Variants in SLC35E4 observed in about 807,000 individuals in gnomAD.
The protein encoded by SLC35E4 is solute carrier family 35 member E4.
A neutral mutation model predicts 19.3 loss-of-function variants in SLC35E4; 15 were observed. The observed-to-expected ratio is 0.78, with a 90% CI of 0.52 to 1.20. SLC35E4 has a LOEUF of 1.20. Among genes scored for constraint, SLC35E4 ranks in the 50% most tolerant of loss-of-function variants. The pLI is 0.00. For missense variants in SLC35E4, 406 were observed against 472.3 expected (o/e 0.86, Z 1.30); for synonymous variants, 219 against 219.9 (o/e 1.00, Z 0.04).
At chr22:30,664,050 C>A (rs1193600319), downstream of SLC35E4, 4 of 1,526,218 alleles carry the variant, frequency 2.6e-6, no homozygotes, top group Admixed American at 1.9e-5. Context: ...ACGAAGGCTG[C>A]GTCTTTCTGC....
At chr22:30,662,452 C>T (rs190940171) in exon 3 of SLC35E4, 9 of 152,324 alleles carry the variant, frequency 5.9e-5, no homozygotes, top group Non-Finnish European at 1.3e-4. Context: ...AGGGGACTAA[C>T]ACCATCTTTT....
chr22:30,636,994 T>G lies in SLC35E4; in HGVS notation c.544T>G (p.Phe182Val), dbSNP rs1602068970. The change falls in exon 1 of 2, where the codon TTC (phenylalanine) becomes GTC (valine). Residue 182 changes from phenylalanine (F) to valine (V), a missense_variant. Coordinates refer to ENST00000343605, the MANE Select transcript of SLC35E4 (RefSeq NM_001001479.4). ...LGAACSLAGE[F>V]RTPPTGCGFL... ...GGCCGCCTGCAGCCTGGCTGGAGAG[T>G]TCCGGACACCCCCTACCGGCTGTGG... 2 of 1,610,372 alleles carry G rather than the reference T, an allele frequency of 1.2e-6. No individual in the cohort carries two copies. The highest frequency in any genetic ancestry group is 1.3e-5 in the African/African-American group (1 of 74,974).
downstream of SLC35E4, among the ~76,000 whole-genome samples, chr22:30,664,397 C>G (rs1475484006): frequency 2.4e-4 from 36 of 152,240 alleles, no homozygotes; most frequent in Admixed American, 2.3e-3. Flanking sequence ...GGTCCCACAG[C>G]TCTAGTTGGG....
At position 30,655,349 on chromosome 22, in the gene SLC35E4, T is replaced by C. The variant is rs1041575598; in HGVS notation, c.*8+6096T>C. 1.7e-4 allele frequency among the ~76,000 whole-genome samples: 25 copies of C among 146,114 alleles called. 4 individuals carry two copies. The highest frequency in any genetic ancestry group is 1.5e-3 in the Admixed American group (22 of 14,448). On this transcript the variant is annotated intron_variant, in intron 2 of 2. Coordinates refer to the SLC35E4 transcript ENST00000406566. ...GTGCACGCCTGTAGTCCCAGCTACT[T>C]GGGAGGCTGAGATGGGAGGCTGCAG...
chr22:30,658,879 T>C (rs1417009134), intron 2 of SLC35E4, among the ~76,000 whole-genome samples: 1 of 151,990 alleles, frequency 6.6e-6, no homozygotes, highest in Non-Finnish European at 1.5e-5. Context: ...GCGCGGTGGC[T>C]CACGCCTGTA....
intron 2 of SLC35E4, among the ~76,000 whole-genome samples, chr22:30,658,964 G>A (rs146191869): frequency 0.014 from 2,156 of 151,986 alleles, 39 homozygotes; most frequent in African/African-American, 0.048. Flanking sequence ...CTAACATGGC[G>A]AAACCGCATC....
rs201986232 is a variant in SLC35E4 at position 30,646,846 on chromosome 22, C to A, written c.868C>A (p.Leu290Ile). Reference protein sequence around the residue: ...SALTVHVLGNLTVVGNLILSR... With the variant: ...SALTVHVLGNITVVGNLILSR... ...CCTCACCGTCCACGTCCTGGGCAACCTCACCGTGGTGGGCAACCTCATCCT... is the reference window on the plus strand; with the variant it reads ...CCTCACCGTCCACGTCCTGGGCAACATCACCGTGGTGGGCAACCTCATCCT... Residue 290 changes from leucine (L) to isoleucine (I), a missense_variant, in exon 2 of 2, where the codon CTC (leucine) becomes ATC (isoleucine). Coordinates refer to ENST00000343605, the MANE Select transcript of SLC35E4 (RefSeq NM_001001479.4). 277 of 1,614,128 alleles carry A rather than the reference C, an allele frequency of 1.7e-4. 1 individual carries two copies. The highest frequency in any genetic ancestry group is 3.3e-4 in the Middle Eastern group (2 of 6,084).
In SLC35E4 at chr22:30,646,635, C is replaced by G; in HGVS notation, c.657C>G (p.Thr219=). The change falls in exon 2 of 2, where the codon ACC becomes ACG. Residue 219 remains threonine (T), a synonymous_variant. Coordinates refer to ENST00000343605, the MANE Select transcript of SLC35E4 (RefSeq NM_001001479.4). ...AGGAGGAGAGGCTGGACGCGGTGAC[C>G]CTGCTTTACGCCACCTCGCTGCCCA... ...LLQEERLDAV[T]LLYATSLPSF... is the part of the protein sequence containing the mutation. 6.2e-7 allele frequency: 1 copy of G among 1,610,000 alleles called. No individual in the cohort carries two copies. The highest frequency in any genetic ancestry group is 8.5e-7 in the Non-Finnish European group (1 of 1,177,746).
chr22:30,666,444 A>C (rs930870409), downstream of SLC35E4, among the ~76,000 whole-genome samples: 1 of 151,954 alleles, frequency 6.6e-6, no homozygotes, highest in Non-Finnish European at 1.5e-5. Flanking sequence ...AACATGGTGA[A>C]ACCCCCGTCT....
downstream of SLC35E4, among the ~76,000 whole-genome samples, chr22:30,651,371 TTGTGTGTG>T (rs1555899346): frequency 0.053 from 2,182 of 40,832 alleles, 84 homozygotes; most frequent in South Asian, 0.11. Flanking sequence ...TGGCTAATTT[TTGTGTGTG>T]TGTGTGTGTG....
chr22:30,656,678 ACT>A (rs936033955), intron 2 of SLC35E4, among the ~76,000 whole-genome samples: 2 of 152,176 alleles, frequency 1.3e-5, no homozygotes, highest in Non-Finnish European at 2.9e-5. Context: ...AGGCTGCTCT[ACT>A]CTGAGTCCAA....
At chr22:30,653,363 C>G (rs1201272650) in intron 2 of SLC35E4, among the ~76,000 whole-genome samples, 1 of 151,852 alleles carries the variant, frequency 6.6e-6, no homozygotes, top group Non-Finnish European at 1.5e-5. Flanking sequence ...TCATGTGCCC[C>G]CTTCCTCCTT....
downstream of SLC35E4, among the ~76,000 whole-genome samples, chr22:30,651,173 A>G (rs1279912180): frequency 6.6e-6 from 1 of 151,464 alleles, no homozygotes; most frequent in Non-Finnish European, 1.5e-5. Context: ...GAGGACCACG[A>G]GAGGTTTTGA....
downstream of SLC35E4, chr22:30,649,331 C>T: frequency 2.9e-6 from 2 of 701,740 alleles, no homozygotes; most frequent in Non-Finnish European, 5.3e-6. Flanking sequence ...AAAATGTCTC[C>T]CATTTGTGTG....
chr22:30,664,717 G>A (rs781654516), downstream of SLC35E4, among the ~76,000 whole-genome samples: 8 of 152,244 alleles, frequency 5.3e-5, no homozygotes, highest in Non-Finnish European at 7.3e-5. Context: ...ATGCGAAGCT[G>A]ATGTCAAATA....
downstream of SLC35E4, among the ~76,000 whole-genome samples, chr22:30,666,261 CA>C (rs1399192847): frequency 6.6e-6 from 1 of 152,172 alleles, no homozygotes; most frequent in East Asian, 1.9e-4. Context: ...TAAAAGTCTG[CA>C]GAAGTGACAA....
chr22:30,636,746 G>A lies in SLC35E4; in HGVS notation c.296G>A (p.Arg99Gln), dbSNP rs1337499923. The A allele has an allele frequency of 6.2e-7, 1 of 1,612,030 alleles. No homozygotes were observed. The highest frequency in any genetic ancestry group is 2.2e-5 in the East Asian group (1 of 44,862). Residue 99 changes from arginine (R) to glutamine (Q), a missense_variant, in exon 1 of 2, where the codon CGG becomes CAG. Coordinates refer to ENST00000343605, the MANE Select transcript of SLC35E4 (RefSeq NM_001001479.4). Reference protein sequence around the residue: ...VAALACHRGARRPMPGGTRCR... With the variant: ...VAALACHRGAQRPMPGGTRCR... ...GCCCTGGCATGCCACCGGGGGGCAC[G>A]GCGCCCCATGCCAGGCGGCACTCGC...
downstream of SLC35E4, among the ~76,000 whole-genome samples, chr22:30,651,371 T>TTTTTTTTG (rs1555899345): frequency 4.9e-5 from 2 of 41,202 alleles, no homozygotes; most frequent in African/African-American, 2.2e-4. Flanking sequence ...TGGCTAATTT[T>TTTTTTTTG]TGTGTGTGTG....
At chr22:30,663,547 G>A (rs1289025590), downstream of SLC35E4, 1 of 1,614,210 alleles carries the variant, frequency 6.2e-7, no homozygotes, top group Admixed American at 1.7e-5. Flanking sequence ...AACTCATAGT[G>A]GATGAGCTGC....
Sources: allele counts gnomAD v4.1 joint callset (sites outside exome capture counted in the v4.1 genomes callset), GRCh38; gene constraint gnomAD v4.1.1; transcripts MANE v1.5; gene names NCBI Gene and HGNC (gene_info 2026-07-23, HGNC 2026-07-21).